Variants in PLEKHG1 observed in about 807,000 individuals in gnomAD.
The protein encoded by PLEKHG1 is pleckstrin homology domain-containing family G member 1.
A neutral mutation model predicts 100.8 loss-of-function variants in PLEKHG1; 44 were observed. The ratio of observed to expected loss-of-function variants is 0.44; its 90% confidence interval spans 0.34 to 0.56. The LOEUF is 0.56. Ranked by LOEUF, PLEKHG1 falls within the 20% of genes least tolerant of loss-of-function variation. The probability of loss-of-function intolerance (pLI) is 0.01; values close to 1 mark genes in which losing one functional copy is unlikely to be tolerated. For missense variants in PLEKHG1, 1,545 were observed against 1,720.9 expected (o/e 0.90, Z 1.81); for synonymous variants, 640 against 662.5 (o/e 0.97, Z 0.52).
At chr6:150,809,155 C>T (rs781601317) in exon 8 of PLEKHG1, 41 of 1,613,638 alleles carry the variant, frequency 2.5e-5, no homozygotes, top group South Asian at 1.6e-4. Flanking sequence ...TGACCAGCTA[C>T]GGGGAACTGG....
chr6:150,685,710 TC>T (rs1451133401), intron 3 of PLEKHG1, among the ~76,000 whole-genome samples: 1 of 152,238 alleles, frequency 6.6e-6, no homozygotes, highest in African/African-American at 2.4e-5. Context: ...AAGGTGTGTA[TC>T]CTCAGAATAC....
chr6:150,674,922 A>G (rs1779708479), intron 3 of PLEKHG1, among the ~76,000 whole-genome samples: 1 of 152,100 alleles, frequency 6.6e-6, no homozygotes, highest in South Asian at 2.1e-4. Flanking sequence ...ACCTCAAGTA[A>G]TCTGCCTGCT....
At chr6:150,665,354 A>G (rs1396063978) in intron 3 of PLEKHG1, among the ~76,000 whole-genome samples, 2 of 152,194 alleles carry the variant, frequency 1.3e-5, no homozygotes, top group Non-Finnish European at 2.9e-5. Context: ...TTTAATAATG[A>G]ATGTCGTGGC....
chr6:150,730,774 A>T (rs1021218758), intron 1 of PLEKHG1, among the ~76,000 whole-genome samples: 2 of 152,062 alleles, frequency 1.3e-5, no homozygotes, highest in Non-Finnish European at 2.9e-5. Flanking sequence ...GTGGTGGCAC[A>T]TGCCTATAAT....
chr6:150,724,558 CTTTT>C (rs34140367), intron 1 of PLEKHG1, among the ~76,000 whole-genome samples: 8 of 100,462 alleles, frequency 8.0e-5, no homozygotes, highest in Admixed American at 1.0e-4. Context: ...TTTTCTTTTT[CTTTT>C]TTTTTTTTTT....
chr6:150,687,817 T>A (rs958508917), intron 3 of PLEKHG1, among the ~76,000 whole-genome samples: 1 of 152,240 alleles, frequency 6.6e-6, no homozygotes, highest in Non-Finnish European at 1.5e-5. Flanking sequence ...TCAACAAATA[T>A]GTATTGAAAG....
At chr6:150,602,353 A>T (rs1776390684) in intron 1 of PLEKHG1, among the ~76,000 whole-genome samples, 2 of 152,210 alleles carry the variant, frequency 1.3e-5, no homozygotes, top group African/African-American at 2.4e-5. Flanking sequence ...CTCTTGGATG[A>T]CCTAGTCCAG....
chr6:150,784,943 C>T (rs1328582423), intron 3 of PLEKHG1, among the ~76,000 whole-genome samples: 1 of 151,596 alleles, frequency 6.6e-6, no homozygotes, highest in African/African-American at 2.4e-5. Flanking sequence ...AGGCTGGCCA[C>T]GGTTGCTCAC....
chr6:150,718,523 G>T (rs1243754927), upstream of PLEKHG1, among the ~76,000 whole-genome samples: 2 of 146,342 alleles, frequency 1.4e-5, no homozygotes, highest in Non-Finnish European at 3.0e-5. Context: ...AGACTGGAGT[G>T]CAGAGGCACG....
At chr6:150,725,978 C>A (rs1583010233) in intron 1 of PLEKHG1, among the ~76,000 whole-genome samples, 1 of 151,996 alleles carries the variant, frequency 6.6e-6, no homozygotes, top group Non-Finnish European at 1.5e-5. Context: ...GATGGATGAA[C>A]CTGGAGCCTA....
intron 1 of PLEKHG1, among the ~76,000 whole-genome samples, chr6:150,610,545 G>A (rs1776782550): frequency 6.6e-6 from 1 of 151,978 alleles, no homozygotes; most frequent in African/African-American, 2.4e-5. Flanking sequence ...AGAAATTTAA[G>A]TTTTAAAAAA....
At chr6:150,630,373 T>C (rs1224570521) in intron 1 of PLEKHG1, among the ~76,000 whole-genome samples, 1 of 152,214 alleles carries the variant, frequency 6.6e-6, no homozygotes, top group Non-Finnish European at 1.5e-5. Flanking sequence ...TGATGGGATC[T>C]GGGATCAGGG....
At chr6:150,803,354 T>C (rs1786825291) in intron 6 of PLEKHG1, among the ~76,000 whole-genome samples, 1 of 152,232 alleles carries the variant, frequency 6.6e-6, no homozygotes, top group African/African-American at 2.4e-5. Context: ...GGCACTAATA[T>C]AGGATTACTG....
At chr6:150,704,349 A>G (rs552897108) in intron 3 of PLEKHG1, among the ~76,000 whole-genome samples, 3 of 152,326 alleles carry the variant, frequency 2.0e-5, no homozygotes, top group Admixed American at 6.5e-5. Context: ...GAACTCAGAG[A>G]CAAAAGGGGC....
intron 2 of PLEKHG1, among the ~76,000 whole-genome samples, chr6:150,757,332 G>C (rs1702387487): frequency 6.6e-6 from 1 of 152,130 alleles, no homozygotes; most frequent in African/African-American, 2.4e-5. Flanking sequence ...CCATTATTTG[G>C]TGTCCTTATT....
chr6:150,783,781 T>C (rs998307), intron 3 of PLEKHG1, among the ~76,000 whole-genome samples: 6,880 of 152,300 alleles, frequency 0.045, 216 homozygotes, highest in African/African-American at 0.096. Flanking sequence ...TTTGCCACAT[T>C]AGAAATGAAA....
chr6:150,764,120 T>TTC (rs1190952647), intron 2 of PLEKHG1, among the ~76,000 whole-genome samples: 6 of 147,842 alleles, frequency 4.1e-5, no homozygotes, highest in Admixed American at 6.7e-5. Context: ...TCTTTTTCTT[T>TTC]TTCTTTTTTT....
At chr6:150,648,675 G>T (rs1473195167) in intron 2 of PLEKHG1, among the ~76,000 whole-genome samples, 1 of 152,042 alleles carries the variant, frequency 6.6e-6, no homozygotes. Context: ...TCAGATTTGT[G>T]CTGGCTTTAT....
At chr6:150,821,574 CT>C (rs1182829969) in intron 13 of PLEKHG1, among the ~76,000 whole-genome samples, 2 of 151,844 alleles carry the variant, frequency 1.3e-5, no homozygotes, top group Non-Finnish European at 2.9e-5. Flanking sequence ...ATCCCAGCTA[CT>C]TGGGAGGCTG....
Sources: gnomAD v4.1 joint callset for allele counts (sites outside exome capture counted in the v4.1 genomes callset) on GRCh38, gnomAD v4.1.1 for gene constraint, MANE v1.5 for transcripts, NCBI Gene and HGNC (gene_info 2026-07-23, HGNC 2026-07-21) for gene names.